NME9: variants seen among roughly 807,000 people sequenced by gnomAD.
NME9 encodes thioredoxin domain-containing protein 6.
In NME9, 48 loss-of-function variants were observed where a neutral mutation model predicts 44.4. That is an observed-to-expected ratio of 1.08 (90% CI 0.86 to 1.37). The LOEUF (loss-of-function observed/expected upper bound fraction) is 1.37. Ranked by LOEUF, NME9 falls within the 40% of genes most tolerant of loss-of-function variation. NME9 has a pLI of 0.00. For missense variants in NME9, 325 were observed against 405.2 expected, an observed-to-expected ratio of 0.80 and a Z score of 1.70; for synonymous variants, 139 against 147.1, an observed-to-expected ratio of 0.94 and a Z score of 0.40.
chr3:138,283,176 A>G, intron 8 of NME9, among the ~76,000 whole-genome samples: 1 of 152,374 alleles, frequency 6.6e-6, no homozygotes, highest in South Asian at 2.1e-4. Flanking sequence ...TTACTCCCTA[A>G]TAATCTAGTG....
At chr3:138,269,099 A>T (rs755368889) in intron 8 of NME9, among the ~76,000 whole-genome samples, 3 of 152,262 alleles carry the variant, frequency 2.0e-5, no homozygotes, top group Non-Finnish European at 4.4e-5. Context: ...TAAATTAACA[A>T]TGGCAAATGT....
intron 8 of NME9, among the ~76,000 whole-genome samples, chr3:138,278,016 A>C (rs1463489303): frequency 1.3e-5 from 2 of 152,256 alleles, no homozygotes; most frequent in Non-Finnish European, 2.9e-5. Context: ...AAGGCAAGAT[A>C]CTATATGATC....
intron 6 of NME9, among the ~76,000 whole-genome samples, chr3:138,308,529 G>A (rs1271033454): frequency 6.6e-6 from 1 of 152,202 alleles, no homozygotes; most frequent in Non-Finnish European, 1.5e-5. Context: ...ACACAGGAAA[G>A]AGGTTGTAGG....
intron 2 of NME9, among the ~76,000 whole-genome samples, chr3:138,321,506 G>A (rs77745741): frequency 4.6e-5 from 7 of 152,322 alleles, no homozygotes; most frequent in African/African-American, 1.4e-4. Flanking sequence ...TGGCCATTCA[G>A]TTTCAACACC....
Position 138,301,207 on chromosome 3 carries a change from TTTTA to T in NME9, c.*429_*432del. 3.9e-6 allele frequency: 3 copies of T among 774,430 alleles called. No homozygotes were observed. Among genetic ancestry groups the T allele is most frequent in the Non-Finnish European group, 4.7e-6 (3 of 637,828 alleles). The allele number at this position is 774,430 out of a possible 1,614,324, so 48.0% of individuals were successfully genotyped here. The stretch of plus-strand genomic sequence containing the variant: ...TACTATTCTCTTTCTTTACTTTTTT[TTTTA>T]TTATTATTATTAAGATGGAGTCTCA... On this transcript the variant is annotated 3_prime_UTR_variant, in exon 11 of 11. Transcript: ENST00000333911.
In NME9 at chr3:138,324,941, A is replaced by G. The variant is rs761393444; in HGVS notation, c.34-11T>C. 7 of 1,612,540 alleles carry G rather than the reference A, an allele frequency of 4.3e-6. No individual in the cohort carries two copies. In the South Asian group the frequency reaches 6.6e-5, roughly 15 times the overall value. ...GGTGCTGATGTTGACCTAAAGCCAA[A>G]GAGGATCAAATGCCGTATTACTGAG... On this transcript the variant is annotated splice_polypyrimidine_tract_variant and intron_variant, in intron 1 of 10. Coordinates refer to ENST00000333911, the MANE Select transcript of NME9 (RefSeq NM_001349018.2).
At chr3:138,319,147 C>T (rs965568366) in intron 3 of NME9, among the ~76,000 whole-genome samples, 5 of 152,110 alleles carry the variant, frequency 3.3e-5, no homozygotes, top group African/African-American at 1.2e-4. Context: ...CTGCAATAAG[C>T]CGTGATACCA....
At chr3:138,288,081 G>A (rs1425853073) in intron 8 of NME9, 1 of 158,800 alleles carries the variant, frequency 6.3e-6, no homozygotes, top group Non-Finnish European at 1.4e-5. Flanking sequence ...AAGTTTTTGG[G>A]GATATTCCTT....
At position 138,286,090 on chromosome 3, in the gene NME9, C is replaced by T. The variant is rs376408550; in HGVS notation, c.745+17417G>A. Among the ~76,000 whole-genome samples the T allele has an allele frequency of 1.1e-3, 166 of 152,138 alleles. 3 individuals carry two copies. The South Asian group carries it at 0.032, about 30-fold the overall frequency. On this transcript the variant is annotated intron_variant, in intron 8 of 8. Transcript: ENST00000317876. The stretch of plus-strand genomic sequence containing the variant: ...TCCTGAGTAGCTGGGATTACAGGCG[C>T]GGCACTATTGCCCGGCTAATTTTTG...
chr3:138,317,019 C>T (rs2053134786), intron 4 of NME9, among the ~76,000 whole-genome samples: 1 of 152,134 alleles, frequency 6.6e-6, no homozygotes, highest in African/African-American at 2.4e-5. Context: ...AGTGGGCCAC[C>T]ATAGGGTTGA....
intron 8 of NME9, among the ~76,000 whole-genome samples, chr3:138,275,710 G>C (rs1283170341): frequency 6.6e-6 from 1 of 152,180 alleles, no homozygotes; most frequent in African/African-American, 2.4e-5. Context: ...AAGTAATTCA[G>C]CCAGCCTTGG....
rs1171895961 is a variant in NME9 at position 138,324,748 on chromosome 3, G to GT, written c.91+124dup. 5.9e-5 allele frequency: 40 copies of GT among 674,010 alleles called. No homozygotes were observed. In the South Asian group the frequency reaches 6.3e-4, roughly 11 times the overall value. The allele number at this position is 674,010 out of a possible 1,614,324, so 41.8% of individuals were successfully genotyped here. On this transcript the variant is annotated intron_variant, in intron 2 of 10. Coordinates refer to ENST00000333911, the MANE Select transcript of NME9 (RefSeq NM_001349018.2). ...CACACACACACACACACATCACCTG[G>GT]TTTTTTATGAGGCTCAAGGTAATAG...
chr3:138,269,073 A>G (rs1052274477), intron 8 of NME9, among the ~76,000 whole-genome samples: 1 of 152,230 alleles, frequency 6.6e-6, no homozygotes, highest in Non-Finnish European at 1.5e-5. Context: ...TTAGGTACAT[A>G]GTACGAGAGA....
chr3:138,315,386 G>A (rs2052998127), intron 5 of NME9, 141 bp downstream of exon 5: 5 of 626,138 alleles, frequency 8.0e-6, no homozygotes, highest in Admixed American at 5.5e-5. Flanking sequence ...CACAGTGCAT[G>A]AGGAACAGAC....
exon 9 of NME9, chr3:138,261,579 T>C (rs1316621548): frequency 6.6e-6 from 1 of 152,204 alleles, no homozygotes; most frequent in Non-Finnish European, 1.5e-5. Context: ...TATTGTTATA[T>C]ATAAGAGATG....
Position 138,304,997 on chromosome 3 carries a change from A to G in NME9, c.667T>C (p.Cys223Arg). Reference protein sequence around the residue: ...EAFEKLVHHMCSGPSHLLILT... With the variant: ...EAFEKLVHHMRSGPSHLLILT... ...ATCAGGAGGTGGCTTGGTCCACTGC[A>G]CATGTGATGTACCAGCTTCTCAAAT... Residue 223 changes from cysteine to arginine, a missense_variant, in exon 9 of 11, where the codon TGC becomes CGC. Cys to Arg is a radical substitution (Grantham distance 180). Coordinates refer to ENST00000333911, the MANE Select transcript of NME9 (RefSeq NM_001349018.2). 1.2e-6 allele frequency: 2 copies of G among 1,614,136 alleles called. No homozygotes were observed. Among genetic ancestry groups the G allele is most frequent in the Non-Finnish European group, 1.7e-6 (2 of 1,180,008 alleles).
Position 138,319,553 on chromosome 3 carries a change from G to A in NME9, c.120C>T (p.Gly40=). ...TVVDVYQGWC[G]PCKPVVSLFQ... ...AGAGGCTCACCACAGGTTTGCAGGG[G>A]CCACACCAGCCTTGATAGACATCAA... The change falls in exon 3 of 11, where the codon GGC becomes GGT. Residue 40 remains glycine, a synonymous_variant. Transcript: ENST00000333911. 4 of 1,612,788 alleles carry A rather than the reference G, an allele frequency of 2.5e-6. No individual in the cohort carries two copies. Among genetic ancestry groups the A allele is most frequent in the Non-Finnish European group, 3.4e-6 (4 of 1,178,842 alleles).
Position 138,275,267 on chromosome 3 carries a change from C to A in NME9, c.746-12681G>T, listed in dbSNP as rs148468937. On this transcript the variant is annotated intron_variant, in intron 8 of 8. Coordinates refer to the NME9 transcript ENST00000317876. ...CATGGTTATGTTCTCTTTCAAAATT[C>A]ATTAAGCTGGACGGGTACAGTGGCT... Among the ~76,000 whole-genome samples, 832 of 152,214 alleles carry A rather than the reference C, an allele frequency of 5.5e-3. 5 individuals are homozygous for A. Among genetic ancestry groups the A allele is most frequent in the African/African-American group, 0.019 (778 of 41,534 alleles).
chr3:138,328,703 T>C (rs911472276), intron 1 of NME9, among the ~76,000 whole-genome samples: 3 of 152,212 alleles, frequency 2.0e-5, no homozygotes, highest in Admixed American at 6.5e-5. Flanking sequence ...CACTATCTAT[T>C]GTCCAGGACC....
Sources: allele counts gnomAD v4.1 joint callset (sites outside exome capture counted in the v4.1 genomes callset), GRCh38; gene constraint gnomAD v4.1.1; transcripts MANE v1.5; gene names NCBI Gene and HGNC (gene_info 2026-07-23, HGNC 2026-07-21).